AP3S2: variants seen among roughly 807,000 people sequenced by gnomAD.
The protein encoded by AP3S2 is adaptor related protein complex 3 subunit sigma 2, also known as AP-3 complex subunit sigma-2.
A neutral mutation model predicts 23.4 loss-of-function variants in AP3S2; 22 were observed. The ratio of observed to expected loss-of-function variants is 0.94; its 90% CI spans 0.67 to 1.34. The LOEUF (loss-of-function observed/expected upper bound fraction) is 1.34. AP3S2 is among the 40% of genes most tolerant of loss of function. The pLI is 0.00. For missense variants in AP3S2, 241 were observed against 236.9 expected (o/e 1.02, Z -0.11); for synonymous variants, 86 against 87.1 (o/e 0.99, Z 0.07).
At chr15:89,860,305 A>G (rs1030215681) in intron 4 of AP3S2, among the ~76,000 whole-genome samples, 4 of 152,228 alleles carry the variant, frequency 2.6e-5, no homozygotes, top group African/African-American at 7.2e-5. Flanking sequence ...AACTAATAAT[A>G]AAAACAATTA....
chr15:89,893,621 C>T (rs1896869787), intron 1 of AP3S2: 1 of 504,998 alleles, frequency 2.0e-6, no homozygotes, highest in Non-Finnish European at 3.5e-6. Context: ...TTCCCAGAGA[C>T]CCACGGGAAA....
chr15:89,856,727 G>A (rs1466627709), intron 4 of AP3S2, among the ~76,000 whole-genome samples: 1 of 143,530 alleles, frequency 7.0e-6, no homozygotes, highest in East Asian at 2.0e-4. Context: ...AAAAATATTC[G>A]CTGGGCGTGG....
intron 4 of AP3S2, among the ~76,000 whole-genome samples, chr15:89,854,409 C>CT (rs1319246208): frequency 3.9e-5 from 2 of 51,836 alleles, no homozygotes; most frequent in African/African-American, 7.4e-5. Context: ...GTCAGCCCTC[C>CT]GCCCGGCCAG....
chr15:89,886,272 G>A (rs1391935237), intron 3 of AP3S2, among the ~76,000 whole-genome samples: 1 of 152,090 alleles, frequency 6.6e-6, no homozygotes, highest in Non-Finnish European at 1.5e-5. Context: ...TTGAACCAGG[G>A]AGTCGGAGGT....
intron 4 of AP3S2, among the ~76,000 whole-genome samples, chr15:89,852,109 A>G (rs1323954641): frequency 1.3e-5 from 2 of 152,180 alleles, no homozygotes; most frequent in African/African-American, 4.8e-5. Flanking sequence ...ATGTGGCTCT[A>G]TCACTTACCA....
intron 3 of AP3S2, among the ~76,000 whole-genome samples, chr15:89,875,351 T>A (rs559530123): frequency 7.9e-5 from 12 of 152,290 alleles, no homozygotes; most frequent in African/African-American, 2.4e-4. Context: ...CATCCCCAGA[T>A]AGTGGGTGGA....
chr15:89,843,569 A>G (rs1469972116), intron 4 of AP3S2, among the ~76,000 whole-genome samples: 1 of 152,126 alleles, frequency 6.6e-6, no homozygotes, highest in Non-Finnish European at 1.5e-5. Flanking sequence ...CGGGAGGTGG[A>G]GGCTGCAGTG....
At position 89,837,629 on chromosome 15, in the gene AP3S2, G is replaced by A. The variant is rs1452667060; in HGVS notation, c.439C>T (p.Leu147=). 5.0e-6 allele frequency: 8 copies of A among 1,614,022 alleles called. No individual in the cohort carries two copies. Among genetic ancestry groups the A allele is most frequent in the African/African-American group, 1.3e-5 (1 of 74,918 alleles). ...TGCTTACTCACCTCGGATTTCTCCA[G>A]CCTGTTTTGAGCCTCAATCTGAGCC... The part of the protein sequence containing the change: ...IVAQIEAQNR[L]EKSEGGLSAA... The change falls in exon 5 of 6, where the codon CTG becomes TTG. Residue 147 remains leucine (L), a synonymous_variant. Transcript: ENST00000336418.
chr15:89,889,863 C>CAAAA (rs940624860), intron 1 of AP3S2, among the ~76,000 whole-genome samples: 3 of 19,258 alleles, frequency 1.6e-4, no homozygotes, highest in Non-Finnish European at 2.3e-4. Flanking sequence ...GACTCCATCT[C>CAAAA]AAAAAAAAAA....
At chr15:89,866,580 G>C (rs1896127646) in intron 4 of AP3S2, among the ~76,000 whole-genome samples, 2 of 151,442 alleles carry the variant, frequency 1.3e-5, no homozygotes, top group Non-Finnish European at 2.9e-5. Context: ...CTGCCTCCTG[G>C]GTTCAAGTGA....
chr15:89,844,203 TTC>T (rs1163694627), intron 4 of AP3S2, among the ~76,000 whole-genome samples: 21 of 134,342 alleles, frequency 1.6e-4, no homozygotes, highest in African/African-American at 5.3e-4. Context: ...CCCTCTTTCT[TTC>T]TTTCTCTTTC....
At chr15:89,852,484 G>C (rs934242809) in intron 4 of AP3S2, 2 of 152,188 alleles carry the variant, frequency 1.3e-5, no homozygotes, top group Non-Finnish European at 2.9e-5. Flanking sequence ...TCAGTGGGCT[G>C]TTGAGCAGCA....
intron 4 of AP3S2, among the ~76,000 whole-genome samples, chr15:89,871,141 A>T (rs1227485859): frequency 6.6e-6 from 1 of 152,224 alleles, no homozygotes; most frequent in African/African-American, 2.4e-5. Context: ...ATGACTAGGA[A>T]ACTAATTTTA....
At chr15:89,890,086 T>C (rs1193708256) in intron 1 of AP3S2, among the ~76,000 whole-genome samples, 4 of 151,758 alleles carry the variant, frequency 2.6e-5, no homozygotes, top group African/African-American at 9.7e-5. Flanking sequence ...TTAGACAGAG[T>C]CTTGTTCTGT....
At chr15:89,845,597 A>G (rs778277148) in intron 4 of AP3S2, 1 of 152,386 alleles carries the variant, frequency 6.6e-6, no homozygotes, top group East Asian at 1.9e-4. Context: ...GTTAAACAAC[A>G]GAAGTTGGCT....
chr15:89,873,713 TTATTTC>T (rs1373769787), intron 3 of AP3S2, among the ~76,000 whole-genome samples: 1 of 152,172 alleles, frequency 6.6e-6, no homozygotes, highest in Non-Finnish European at 1.5e-5. Context: ...CTCTCATTTT[TTATTTC>T]TAAGAGACCA....
Position 89,840,261 on chromosome 15 carries a change from C to T in AP3S2, c.346-2539G>A, listed in dbSNP as rs561312330. ...TTAACAAAAAAGGAGAGAAATAGTCCTCTATACCTGCACTTTCAGTATTTA... is the reference window on the plus strand; with the variant it reads ...TTAACAAAAAAGGAGAGAAATAGTCTTCTATACCTGCACTTTCAGTATTTA... On this transcript the variant is annotated intron_variant, in intron 4 of 5. Coordinates refer to ENST00000336418, the MANE Select transcript of AP3S2 (RefSeq NM_005829.5). Among the ~76,000 whole-genome samples the T allele has an allele frequency of 7.9e-5, 12 of 152,248 alleles. 1 individual carries two copies. The highest frequency in any genetic ancestry group is 7.7e-4 in the East Asian group (4 of 5,192).
At chr15:89,874,095 G>A (rs1477382975) in intron 3 of AP3S2, among the ~76,000 whole-genome samples, 3 of 148,144 alleles carry the variant, frequency 2.0e-5, no homozygotes, top group Non-Finnish European at 4.5e-5. Context: ...TGTTGGCCAG[G>A]CTTTCTCTGT....
Position 89,833,695 on chromosome 15 carries a change from T to A in AP3S2, c.*1820A>T, listed in dbSNP as rs910980516. ...TGACATCAGGGGTTTTGATATCTAT[T>A]CACCTACACTTCCCTCTTCCACAGG... On this transcript the variant is annotated 3_prime_UTR_variant, in exon 6 of 6. Coordinates refer to ENST00000336418, the MANE Select transcript of AP3S2 (RefSeq NM_005829.5). The A allele has an allele frequency of 6.6e-6, 1 of 152,244 alleles. No individual in the cohort carries two copies. The highest frequency in any genetic ancestry group is 6.5e-5 in the Admixed American group (1 of 15,290). 9.4% of individuals were successfully genotyped at this position (152,244 alleles called of 1,614,324 possible).
Sources: allele counts gnomAD v4.1 joint callset (sites outside exome capture counted in the v4.1 genomes callset), GRCh38; gene constraint gnomAD v4.1.1; transcripts MANE v1.5; gene names NCBI Gene and HGNC (gene_info 2026-07-23, HGNC 2026-07-21).